The following RALGPS1 variants were observed in gnomAD, a reference collection of about 807,000 sequenced individuals.
The protein encoded by RALGPS1 is Ral GEF with PH domain and SH3 binding motif 1.
A neutral mutation model predicts 78.8 loss-of-function variants in RALGPS1; 19 were observed. The ratio of observed to expected loss-of-function variants is 0.24; its 90% CI spans 0.17 to 0.35. RALGPS1 has a LOEUF of 0.35. Ranked by LOEUF, RALGPS1 falls within the 10% of genes least tolerant of loss-of-function variation. RALGPS1 has a pLI of 1.00. For missense variants in RALGPS1, 454 were observed against 688.3 expected, an observed-to-expected ratio of 0.66 and a Z score of 3.81; for synonymous variants, 228 against 256.3, an observed-to-expected ratio of 0.89 and a Z score of 1.06.
intron 1 of RALGPS1, among the ~76,000 whole-genome samples, chr9:126,953,749 GGAAAATTTTACAAAGTTTGTTGAGA>G (rs1296876253): frequency 6.6e-6 from 1 of 152,156 alleles, no homozygotes; most frequent in South Asian, 2.1e-4. Context: ...GCAGGGCTTG[GGAAAATTTTACAAAGTTTGTTGAGA>G]GAATGAGGGA....
intron 7 of RALGPS1, among the ~76,000 whole-genome samples, chr9:127,057,263 C>T (rs2048822682): frequency 6.6e-6 from 1 of 152,180 alleles, no homozygotes; most frequent in Non-Finnish European, 1.5e-5. Context: ...ATGCAGCTAG[C>T]ACACAGGGCC....
At chr9:126,952,215 T>C (rs926295619) in intron 1 of RALGPS1, among the ~76,000 whole-genome samples, 1 of 152,162 alleles carries the variant, frequency 6.6e-6, no homozygotes, top group Non-Finnish European at 1.5e-5. Context: ...ACTGCTGACT[T>C]CTCTCCTCCA....
chr9:126,982,204 G>A (rs552601980), intron 4 of RALGPS1, among the ~76,000 whole-genome samples: 1 of 152,274 alleles, frequency 6.6e-6, no homozygotes, highest in Admixed American at 6.5e-5. Context: ...CACCAAGGGG[G>A]GCACTATACA....
At chr9:127,203,479 C>T (rs1256155120) in intron 14 of RALGPS1, among the ~76,000 whole-genome samples, 2 of 152,060 alleles carry the variant, frequency 1.3e-5, no homozygotes, top group Non-Finnish European at 2.9e-5. Flanking sequence ...TCGTGTGAGG[C>T]ACAGGCTGTA....
intron 11 of RALGPS1, chr9:127,178,346 A>C (rs769861645): frequency 6.6e-6 from 4 of 608,630 alleles, no homozygotes; most frequent in Non-Finnish European, 6.9e-6. Context: ...ATGCAGCTGA[A>C]TTGTGTGAAC....
chr9:127,017,553 G>T (rs563161822), intron 4 of RALGPS1, among the ~76,000 whole-genome samples: 3 of 152,024 alleles, frequency 2.0e-5, no homozygotes, highest in South Asian at 4.2e-4. Context: ...ATATATGTGG[G>T]CTATACTAAA....
Position 127,091,575 on chromosome 9 carries a change from G to A in RALGPS1, c.610+22219G>A, listed in dbSNP as rs879029742. The stretch of plus-strand genomic sequence containing the variant: ...TTGGCCCAGCTGCTTCTCACCCTGG[G>A]ATCTTCCCGTTTCCAAGCCCTGGAG... On this transcript the variant is annotated intron_variant, in intron 8 of 18. Transcript: ENST00000259351. This position sits in a 1 kb window ranked among gnomAD's most constrained non-coding sequence, Gnocchi z 4.3. 3.1e-5 allele frequency: 46 copies of A among 1,503,818 alleles called. No homozygotes were observed. In the South Asian group the frequency reaches 5.7e-4, roughly 19 times the overall value. The allele number at this position is 1,503,818 out of a possible 1,614,324, so 93.2% of individuals were successfully genotyped here.
At chr9:127,065,259 G>GCAC (rs2049588758) in intron 7 of RALGPS1, among the ~76,000 whole-genome samples, 1 of 152,026 alleles carries the variant, frequency 6.6e-6, no homozygotes, top group Non-Finnish European at 1.5e-5. Flanking sequence ...GATTACAGGC[G>GCAC]CACACCACCA....
intron 5 of RALGPS1, among the ~76,000 whole-genome samples, chr9:127,036,170 C>T (rs539943584): frequency 2.6e-5 from 4 of 152,236 alleles, no homozygotes; most frequent in Admixed American, 2.0e-4. Context: ...CATTTTTTTT[C>T]AAACAGTGCT....
intron 11 of RALGPS1, among the ~76,000 whole-genome samples, chr9:127,193,845 C>A (rs1227438180): frequency 6.6e-6 from 1 of 152,184 alleles, no homozygotes; most frequent in Admixed American, 6.5e-5. Context: ...TGTAGAGTCA[C>A]TCTTTCCCAC....
intron 14 of RALGPS1, chr9:127,210,668 C>G (rs1314986185): frequency 6.6e-7 from 1 of 1,523,644 alleles, no homozygotes; most frequent in Admixed American, 2.0e-5. Context: ...AAAGCTGTTG[C>G]TAAAATTTAA....
rs1416098049 is a variant in RALGPS1, at chr9:127,183,577, G to C, written c.910+8795G>C. Among the ~76,000 whole-genome samples, 2 of 152,160 alleles carry C rather than the reference G, an allele frequency of 1.3e-5. No homozygotes were observed. Among genetic ancestry groups the C allele is most frequent in the African/African-American group, 2.4e-5 (1 of 41,436 alleles). ...ACAGCCGTTTGGCCTCATCAGGCCTGAGTAAGGCACAGTAGCTCCCCTGGG... is the reference window on the plus strand; with the variant it reads ...ACAGCCGTTTGGCCTCATCAGGCCTCAGTAAGGCACAGTAGCTCCCCTGGG... On this transcript the variant is annotated intron_variant, in intron 11 of 18. Coordinates refer to ENST00000259351, the MANE Select transcript of RALGPS1 (RefSeq NM_014636.3). The surrounding 1 kb of genome is among the most constrained non-coding windows in gnomAD (Gnocchi z 4.0).
chr9:127,145,275 C>G (rs527571747), intron 8 of RALGPS1, among the ~76,000 whole-genome samples: 2 of 152,208 alleles, frequency 1.3e-5, no homozygotes, highest in East Asian at 3.9e-4. Context: ...AGTGGCCCTC[C>G]GAGGGAGGTG....
chr9:126,938,123 C>T (rs1043078954), intron 1 of RALGPS1, among the ~76,000 whole-genome samples: 9 of 152,106 alleles, frequency 5.9e-5, no homozygotes, highest in South Asian at 4.1e-4. Context: ...TGATGCAAAA[C>T]GTCGTACATA....
intron 6 of RALGPS1, among the ~76,000 whole-genome samples, chr9:127,050,387 T>C (rs560945521): frequency 6.6e-6 from 1 of 152,248 alleles, no homozygotes; most frequent in Non-Finnish European, 1.5e-5. Context: ...GGCCAGCCAT[T>C]CTCCTTACCT....
intron 8 of RALGPS1, among the ~76,000 whole-genome samples, chr9:127,098,756 T>A (rs2053421486): frequency 6.6e-6 from 1 of 152,144 alleles, no homozygotes; most frequent in Admixed American, 6.5e-5. Context: ...TGATGGCTGA[T>A]ACAGTGCTTG....
chr9:127,008,710 T>C (rs1178908199), intron 4 of RALGPS1, among the ~76,000 whole-genome samples: 1 of 152,218 alleles, frequency 6.6e-6, no homozygotes, highest in Non-Finnish European at 1.5e-5. Context: ...CAACCAGATA[T>C]GTAAATCTGG....
chr9:127,194,562 G>A lies in RALGPS1; in HGVS notation c.911-529G>A, dbSNP rs572814198. Among the ~76,000 whole-genome samples, 4 of 152,288 alleles carry A rather than the reference G, an allele frequency of 2.6e-5. No homozygotes were observed. In the South Asian group the frequency reaches 6.2e-4, roughly 24 times the overall value. On this transcript the variant is annotated intron_variant, in intron 11 of 18. Transcript: ENST00000259351. ...CGAGTAGCTGGGATTACAGGCATGC[G>A]CCACCACACCCGGTGGATTTTTGTA...
At position 126,960,734 on chromosome 9, in the gene RALGPS1, G is replaced by A. The variant is rs567964263; in HGVS notation, c.-65-1491G>A. 5.9e-5 allele frequency among the ~76,000 whole-genome samples: 9 copies of A among 152,248 alleles called. No homozygotes were observed. The East Asian group carries it at 1.2e-3, about 20-fold the overall frequency. On this transcript the variant is annotated intron_variant, in intron 1 of 18. Transcript: ENST00000259351. ...GGGCTAGATCTTGCTCTCCAGGATT[G>A]ATTTTCACATAGGCATCACAGATTC...
Sources: allele counts gnomAD v4.1 joint callset (sites outside exome capture counted in the v4.1 genomes callset), GRCh38; gene constraint gnomAD v4.1.1; non-coding constraint Gnocchi (gnomAD v3.1); transcripts MANE v1.5; gene names NCBI Gene and HGNC (gene_info 2026-07-23, HGNC 2026-07-21).